RSPRY1: variants seen among roughly 807,000 people sequenced by gnomAD.
The protein encoded by RSPRY1 is RING finger and SPRY domain-containing protein 1.
A neutral mutation model predicts 73.1 loss-of-function variants in RSPRY1; 23 were observed. The ratio of observed to expected loss-of-function variants is 0.31; its 90% CI spans 0.23 to 0.45. RSPRY1 has a LOEUF of 0.45. Ranked by LOEUF, RSPRY1 falls within the 20% of genes least tolerant of loss-of-function variation. The pLI is 1.00. For missense variants in RSPRY1, 448 were observed against 698.7 expected (o/e 0.64, Z 4.05); for synonymous variants, 226 against 251.4 (o/e 0.90, Z 0.95).
chr16:57,237,727 T>A (rs560757657), intron 14 of RSPRY1, among the ~76,000 whole-genome samples: 5 of 152,206 alleles, frequency 3.3e-5, no homozygotes, highest in Admixed American at 2.0e-4. Flanking sequence ...TTATTTATTT[T>A]TTGAGACGGA....
intron 7 of RSPRY1, chr16:57,216,611 T>C (rs1220959115): frequency 3.1e-5 from 12 of 387,700 alleles, no homozygotes; most frequent in Admixed American, 1.6e-4. Flanking sequence ...TCCTAGCTAC[T>C]TGGGATGCTG....
rs981365386 is a variant in RSPRY1, at chr16:57,239,927, G to A, written c.*952G>A. On this transcript the variant is annotated 3_prime_UTR_variant, in exon 15 of 15. Coordinates refer to ENST00000394420, the MANE Select transcript of RSPRY1 (RefSeq NM_133368.3). ...CAGTCTGAGAACACGTATTTCTATT[G>A]TTCTAAATAAATACATGTTTTTGAA... The A allele has an allele frequency of 2.0e-5, 3 of 151,882 alleles. No homozygotes were observed. The highest frequency in any genetic ancestry group is 4.9e-5 in the African/African-American group (2 of 41,210). 9.4% of individuals were successfully genotyped at this position (151,882 alleles called of 1,614,324 possible). A position where few individuals can be genotyped will look rare whatever the true frequency, so the allele number is the denominator to read the frequency against.
chr16:57,199,780 T>C (rs2074525826), intron 1 of RSPRY1, among the ~76,000 whole-genome samples: 2 of 151,832 alleles, frequency 1.3e-5, no homozygotes, highest in Admixed American at 1.3e-4. Context: ...CCAAAAACCT[T>C]GAATTGTTTA....
chr16:57,226,929 A>T (rs1364352437), intron 10 of RSPRY1, among the ~76,000 whole-genome samples: 1 of 152,140 alleles, frequency 6.6e-6, no homozygotes, highest in African/African-American at 2.4e-5. Context: ...AAGTGTACTG[A>T]CTGATCTTGG....
intron 1 of RSPRY1, among the ~76,000 whole-genome samples, chr16:57,202,229 C>T (rs552681689): frequency 1.4e-4 from 14 of 99,912 alleles, no homozygotes; most frequent in South Asian, 1.0e-3. Context: ...GCAATTGTTA[C>T]GGGGGGTGGG....
At chr16:57,192,913 G>A (rs1040920766) in intron 1 of RSPRY1, among the ~76,000 whole-genome samples, 7 of 151,914 alleles carry the variant, frequency 4.6e-5, no homozygotes, top group Admixed American at 2.0e-4. Flanking sequence ...ACAGGGTTTC[G>A]CCATGTTGCC....
intron 2 of RSPRY1, chr16:57,207,834 C>T (rs1009442079): frequency 3.6e-6 from 2 of 550,260 alleles, no homozygotes; most frequent in Non-Finnish European, 6.8e-6. Flanking sequence ...TATCCACCTG[C>T]CCATTTTGTC....
At chr16:57,189,752 TG>T (rs2074321306) in intron 1 of RSPRY1, among the ~76,000 whole-genome samples, 1 of 151,724 alleles carries the variant, frequency 6.6e-6, no homozygotes, top group Admixed American at 6.6e-5. Context: ...CCACCACACC[TG>T]GCCAATTTTT....
intron 2 of RSPRY1, among the ~76,000 whole-genome samples, chr16:57,206,651 C>T (rs1302544745): frequency 1.3e-5 from 2 of 152,180 alleles, no homozygotes; most frequent in African/African-American, 2.4e-5. Context: ...CAGCCTCAGC[C>T]TCCTGGACTC....
At chr16:57,233,014 A>C (rs1225383336) in intron 13 of RSPRY1, among the ~76,000 whole-genome samples, 1 of 152,198 alleles carries the variant, frequency 6.6e-6, no homozygotes, top group Non-Finnish European at 1.5e-5. Context: ...ATTAAGTATG[A>C]ACTTACTTGA....
rs762300339 is a variant in RSPRY1, at chr16:57,204,931, T to C, written c.273T>C (p.His91=). 2.5e-6 allele frequency: 4 copies of C among 1,614,190 alleles called. No homozygotes were observed. The highest frequency in any genetic ancestry group is 3.4e-6 in the Non-Finnish European group (4 of 1,180,040). The change falls in exon 2 of 15, where the codon CAT becomes CAC. Residue 91 remains histidine, a synonymous_variant. Transcript: ENST00000394420. ...CACCAAGGAGGGGCCGAGGACCTCA[T>C]GAGCCAAGGAGAAAGAAACAAAATG... ...VRPPRRGRGP[H]EPRRKKQNVD...
intron 1 of RSPRY1, among the ~76,000 whole-genome samples, chr16:57,201,394 A>C (rs1208936694): frequency 1.3e-5 from 2 of 149,556 alleles, no homozygotes; most frequent in African/African-American, 5.0e-5. Flanking sequence ...CACATCTCAG[A>C]CGATGGGCGG....
At chr16:57,226,110 C>G (rs900033874) in intron 10 of RSPRY1, among the ~76,000 whole-genome samples, 2 of 152,188 alleles carry the variant, frequency 1.3e-5, no homozygotes, top group Admixed American at 1.3e-4. Flanking sequence ...TGCCAAGGAC[C>G]TGTACAATCC....
At chr16:57,236,242 G>T (rs928772508) in intron 14 of RSPRY1, among the ~76,000 whole-genome samples, 7 of 152,126 alleles carry the variant, frequency 4.6e-5, no homozygotes, top group African/African-American at 1.7e-4. Context: ...AGCTGGATCT[G>T]GTCTTAATCA....
At chr16:57,214,677 A>G (rs1399549174) in intron 6 of RSPRY1, among the ~76,000 whole-genome samples, 1 of 152,264 alleles carries the variant, frequency 6.6e-6, no homozygotes, top group Non-Finnish European at 1.5e-5. Context: ...CTACTCAGAC[A>G]AGGTAATTAG....
At chr16:57,207,311 T>C (rs576193602) in intron 2 of RSPRY1, among the ~76,000 whole-genome samples, 1 of 151,938 alleles carries the variant, frequency 6.6e-6, no homozygotes, top group Admixed American at 6.6e-5. Flanking sequence ...CTTAAGATGA[T>C]AGTTTTTGGG....
chr16:57,206,444 G>C (rs2074726837), intron 2 of RSPRY1, among the ~76,000 whole-genome samples: 1 of 152,094 alleles, frequency 6.6e-6, no homozygotes, highest in African/African-American at 2.4e-5. Flanking sequence ...TAAATCCCTT[G>C]TACCAAATTG....
intron 2 of RSPRY1, among the ~76,000 whole-genome samples, chr16:57,205,791 TGGG>T (rs1263963292): frequency 1.3e-5 from 2 of 152,198 alleles, no homozygotes; most frequent in Non-Finnish European, 2.9e-5. Flanking sequence ...CATCTGTAAA[TGGG>T]GGGATAATAT....
intron 1 of RSPRY1, among the ~76,000 whole-genome samples, chr16:57,202,885 TATATA>T (rs2074649708): frequency 2.3e-5 from 1 of 44,438 alleles, no homozygotes; most frequent in Non-Finnish European, 4.7e-5. Flanking sequence ...TGATTATATA[TATATA>T]TATATATATA....
Sources: allele counts gnomAD v4.1 joint callset (sites outside exome capture counted in the v4.1 genomes callset), GRCh38; gene constraint gnomAD v4.1.1; transcripts MANE v1.5; gene names NCBI Gene and HGNC (gene_info 2026-07-23, HGNC 2026-07-21).